The following WDR41 variants were observed in gnomAD, a reference collection of about 807,000 sequenced individuals.
The protein encoded by WDR41 is WD repeat domain 41.
Under a neutral mutation model 69.3 loss-of-function variants are expected in WDR41, and 63 were observed. That is an observed-to-expected ratio of 0.91 (90% CI 0.74 to 1.12). WDR41 has a LOEUF of 1.12. Ranked by LOEUF, WDR41 falls within the 50% of genes most tolerant of loss-of-function variation. The pLI, the probability that WDR41 is intolerant of heterozygous loss-of-function variation, is 0.00. For missense variants in WDR41, 543 were observed against 534.5 expected (o/e 1.02, Z -0.16); for synonymous variants, 185 against 192.1 (o/e 0.96, Z 0.31).
intron 1 of WDR41, among the ~76,000 whole-genome samples, chr5:77,531,089 G>A (rs1212744938): frequency 2.0e-5 from 3 of 151,780 alleles, no homozygotes; most frequent in Non-Finnish European, 3.0e-5. Flanking sequence ...CATGACCTCA[G>A]ATTTAGCAAT....
At chr5:77,463,465 T>C (rs1319994491) in intron 3 of WDR41, among the ~76,000 whole-genome samples, 1 of 151,968 alleles carries the variant, frequency 6.6e-6, no homozygotes, top group Non-Finnish European at 1.5e-5. Flanking sequence ...TATAGAAAAT[T>C]TTGAGTATTT....
In WDR41 at chr5:77,582,301, A is replaced by G. The variant is rs1743952492; in HGVS notation, c.42+38178T>C. The G allele has an allele frequency of 4.4e-6, 6 of 1,365,678 alleles. No homozygotes were observed. In the South Asian group the frequency reaches 4.8e-5, roughly 11 times the overall value. The allele number at this position is 1,365,678 out of a possible 1,614,324, so 84.6% of individuals were successfully genotyped here. A position where few individuals can be genotyped will look rare whatever the true frequency, so the allele number is the denominator to read the frequency against. ...CTCTGGCTCAGCAAGAAAGTAGACA[A>G]TATGCATAGATATATAACAAGTTAA... On this transcript the variant is annotated intron_variant, in intron 1 of 5. Transcript: ENST00000509971.
At chr5:77,616,491 G>A (rs925966560) in intron 1 of WDR41, among the ~76,000 whole-genome samples, 2 of 152,212 alleles carry the variant, frequency 1.3e-5, no homozygotes. Flanking sequence ...ATGCCCTGGG[G>A]AGAAAGTGAG....
In WDR41 at chr5:77,582,805, T is replaced by C. The variant is rs1301825451; in HGVS notation, c.42+37674A>G. On this transcript the variant is annotated intron_variant, in intron 1 of 5. Coordinates refer to the WDR41 transcript ENST00000509971. ...TGTAGAGCCATATATAGCATGGGGG[T>C]ACCCCAATCTGAAGTCAGTAAATGA... is the stretch of plus-strand genomic sequence containing the variant. The C allele has an allele frequency of 1.7e-5, 28 of 1,600,972 alleles. No homozygotes were observed. In the Admixed American group the frequency reaches 2.7e-4, roughly 15 times the overall value.
intron 2 of WDR41, among the ~76,000 whole-genome samples, chr5:77,486,691 CCT>C (rs1264412439): frequency 3.9e-5 from 6 of 152,158 alleles, no homozygotes; most frequent in African/African-American, 1.4e-4. Flanking sequence ...TCAGCTGAGA[CCT>C]TCAGCTGAAA....
At chr5:77,476,632 C>T (rs1469958929) in intron 2 of WDR41, among the ~76,000 whole-genome samples, 21 of 151,924 alleles carry the variant, frequency 1.4e-4, no homozygotes, top group African/African-American at 3.6e-4. Flanking sequence ...CTGAGAGATT[C>T]TGTCACCACC....
intron 12 of WDR41, 70 bp downstream of exon 12, chr5:77,436,191 A>C (rs1205590138): frequency 1.3e-6 from 2 of 1,562,750 alleles, no homozygotes; most frequent in Non-Finnish European, 1.7e-6. Flanking sequence ...TATGAGATCA[A>C]CTGAAAGAAA....
chr5:77,580,550 T>C (rs1743919167), intron 1 of WDR41, among the ~76,000 whole-genome samples: 1 of 144,872 alleles, frequency 6.9e-6, no homozygotes, highest in Non-Finnish European at 1.5e-5. Flanking sequence ...CCTCAAAAAA[T>C]TACAAGAAAA....
chr5:77,536,678 A>T (rs894504278), intron 1 of WDR41, among the ~76,000 whole-genome samples: 1 of 152,156 alleles, frequency 6.6e-6, no homozygotes, highest in Non-Finnish European at 1.5e-5. Flanking sequence ...AATACTTACT[A>T]TTGGGTTACA....
chr5:77,586,128 T>C (rs1398530641), intron 1 of WDR41, among the ~76,000 whole-genome samples: 1 of 152,140 alleles, frequency 6.6e-6, no homozygotes, highest in East Asian at 1.9e-4. Context: ...GTTAAACAAA[T>C]AATAAATAAC....
At chr5:77,541,700 C>T (rs1203678264) in intron 1 of WDR41, among the ~76,000 whole-genome samples, 1 of 151,486 alleles carries the variant, frequency 6.6e-6, no homozygotes, top group African/African-American at 2.4e-5. Context: ...GCCATGTTGG[C>T]CAGGCTGATC....
At chr5:77,615,264 A>G (rs1028961272) in intron 1 of WDR41, among the ~76,000 whole-genome samples, 3 of 152,232 alleles carry the variant, frequency 2.0e-5, no homozygotes, top group African/African-American at 7.2e-5. Flanking sequence ...GAAATAGTCA[A>G]ATAAATTTGG....
At chr5:77,575,083 C>T (rs1270014270) in intron 1 of WDR41, among the ~76,000 whole-genome samples, 2 of 152,076 alleles carry the variant, frequency 1.3e-5, no homozygotes, top group Non-Finnish European at 2.9e-5. Context: ...TTATTTCCTA[C>T]TGAGATATAG....
At chr5:77,619,721 C>T (rs984415971) in intron 1 of WDR41, among the ~76,000 whole-genome samples, 1 of 151,984 alleles carries the variant, frequency 6.6e-6, no homozygotes, top group Admixed American at 6.6e-5. Flanking sequence ...AGGACTAGAG[C>T]TAGGAAAGGA....
chr5:77,530,711 A>C (rs1802514886), intron 1 of WDR41, among the ~76,000 whole-genome samples: 1 of 151,786 alleles, frequency 6.6e-6, no homozygotes, highest in African/African-American at 2.4e-5. Context: ...GAAAATGAAC[A>C]ATTAAGATTT....
rs1388110936 is a variant in WDR41, at chr5:77,489,491, T to C, written c.133A>G (p.Ile45Val). The change falls in exon 2 of 13, where the codon ATT becomes GTT. Residue 45 changes from isoleucine (I) to valine (V), a missense_variant. Transcript: ENST00000296679. ...ELLVLKAHHD[I>V]VRFLVQLDDY... is the part of the protein sequence containing the mutation. ...TCTAACTGTACCAGAAATCGTACAA[T>C]ATCATGATGAGCCTTCAGTACTAGC... The C allele has an allele frequency of 1.2e-6, 2 of 1,608,324 alleles. No homozygotes were observed. The highest frequency in any genetic ancestry group is 2.2e-5 in the East Asian group (1 of 44,640).
intron 1 of WDR41, among the ~76,000 whole-genome samples, chr5:77,614,465 C>A (rs1437714141): frequency 2.7e-5 from 4 of 150,702 alleles, no homozygotes; most frequent in African/African-American, 9.8e-5. Flanking sequence ...ACTATGCAGC[C>A]ATAAAAAATG....
intron 1 of WDR41, among the ~76,000 whole-genome samples, chr5:77,513,595 T>C (rs1447544744): frequency 6.6e-6 from 1 of 152,164 alleles, no homozygotes; most frequent in Non-Finnish European, 1.5e-5. Context: ...TTGTACACAA[T>C]ACTAGACATG....
chr5:77,545,796 G>T lies in WDR41; in HGVS notation c.43-56224C>A, dbSNP rs953298457. ...GGACTACAATGGCCACGTCGGTCTG[G>T]GTGTTAAGTGCTCCAAGGAGGTGGC... On this transcript the variant is annotated intron_variant, in intron 1 of 5. Transcript: ENST00000509971. The T allele has an allele frequency of 5.2e-5, 53 of 1,013,670 alleles. 1 individual carries two copies. In the Admixed American group the frequency reaches 8.4e-4, roughly 16 times the overall value. 62.8% of individuals were successfully genotyped at this position (1,013,670 alleles called of 1,614,324 possible).
Sources: allele counts gnomAD v4.1 joint callset (sites outside exome capture counted in the v4.1 genomes callset), GRCh38; gene constraint gnomAD v4.1.1; transcripts MANE v1.5; gene names NCBI Gene and HGNC (gene_info 2026-07-23, HGNC 2026-07-21).